The following LRP1B variants were observed in gnomAD, a reference collection of about 807,000 sequenced individuals.
The protein encoded by LRP1B is LDL receptor related protein 1B.
Under a neutral mutation model 556.6 loss-of-function variants are expected in LRP1B, and 217 were observed. The ratio of observed to expected loss-of-function variants is 0.39; its 90% CI spans 0.35 to 0.44. The LOEUF is 0.44. LRP1B is among the 20% of genes least tolerant of loss of function. The pLI, the probability that LRP1B is intolerant of heterozygous loss-of-function variation, is 1.00. For synonymous variants in LRP1B, 2,047 were observed against 1,865.8 expected (o/e 1.10, Z -2.50); for missense variants, 5,053 against 5,620.8 (o/e 0.90, Z 3.23).
At chr2:140,427,861 T>C (rs1218896277) in intron 66 of LRP1B, among the ~76,000 whole-genome samples, 1 of 152,000 alleles carries the variant, frequency 6.6e-6, no homozygotes, top group African/African-American at 2.4e-5. Flanking sequence ...CACCCTATAA[T>C]CCTTTTATCA....
intron 2 of LRP1B, among the ~76,000 whole-genome samples, chr2:141,637,641 G>A (rs1265235732): frequency 6.6e-6 from 1 of 152,210 alleles, no homozygotes; most frequent in African/African-American, 2.4e-5. Flanking sequence ...CAGTATCAAT[G>A]TTTATCTATT....
At chr2:141,431,154 T>TAAATAAATAAATAAATAAAA (rs1680547554) in intron 3 of LRP1B, among the ~76,000 whole-genome samples, 1 of 151,466 alleles carries the variant, frequency 6.6e-6, no homozygotes, top group Non-Finnish European at 1.5e-5. Context: ...AATAAATAAA[T>TAAATAAATAAATAAATAAAA]AAATAAATAA....
chr2:141,150,445 A>T (rs1356555513), intron 7 of LRP1B, among the ~76,000 whole-genome samples: 1 of 152,146 alleles, frequency 6.6e-6, no homozygotes, highest in Non-Finnish European at 1.5e-5. Flanking sequence ...TAATACTCAA[A>T]GTGTTTCCCT....
At chr2:140,308,198 C>CTTTAAAAGCTAGATTTATT (rs1684145526) in intron 83 of LRP1B, among the ~76,000 whole-genome samples, 1 of 151,662 alleles carries the variant, frequency 6.6e-6, no homozygotes, top group South Asian at 2.1e-4. Context: ...GAGTGTCTGT[C>CTTTAAAAGCTAGATTTATT]TTTAAAAGCT....
chr2:141,093,727 A>AT (rs1274220193), intron 7 of LRP1B, among the ~76,000 whole-genome samples: 7 of 151,202 alleles, frequency 4.6e-5, no homozygotes, highest in Admixed American at 1.3e-4. Context: ...AAAAACAACA[A>AT]TTTTTTTTTG....
At chr2:141,187,811 T>G (rs1377531167) in intron 7 of LRP1B, among the ~76,000 whole-genome samples, 1 of 151,896 alleles carries the variant, frequency 6.6e-6, no homozygotes, top group Non-Finnish European at 1.5e-5. Context: ...AGGTCTCTAT[T>G]TAACCAATAA....
At chr2:140,912,138 A>G (rs1694438623) in intron 21 of LRP1B, among the ~76,000 whole-genome samples, 1 of 151,730 alleles carries the variant, frequency 6.6e-6, no homozygotes, top group Non-Finnish European at 1.5e-5. Context: ...GTTTGGTTTT[A>G]GTTCTTACCA....
At chr2:141,795,261 C>T (rs537501893) in intron 2 of LRP1B, among the ~76,000 whole-genome samples, 1 of 151,966 alleles carries the variant, frequency 6.6e-6, no homozygotes, top group East Asian at 1.9e-4. Context: ...ACCATTTATA[C>T]TTTTTTTTAT....
At chr2:140,863,291 C>T (rs549703502) in intron 27 of LRP1B, among the ~76,000 whole-genome samples, 1 of 152,192 alleles carries the variant, frequency 6.6e-6, no homozygotes, top group East Asian at 1.9e-4. Context: ...CTTTTTACTC[C>T]TTTGACCATT....
intron 1 of LRP1B, among the ~76,000 whole-genome samples, chr2:141,862,985 A>T (rs749132282): frequency 6.6e-6 from 1 of 152,102 alleles, no homozygotes; most frequent in Non-Finnish European, 1.5e-5. Flanking sequence ...AGACCTTCTT[A>T]TTGCTGAGCT....
intron 8 of LRP1B, among the ~76,000 whole-genome samples, chr2:141,060,835 G>A (rs1279500815): frequency 1.3e-5 from 2 of 151,610 alleles, no homozygotes; most frequent in Non-Finnish European, 2.9e-5. Context: ...TTCAGCCCCA[G>A]TACTTCAAAA....
intron 41 of LRP1B, among the ~76,000 whole-genome samples, chr2:140,644,512 C>A (rs957714256): frequency 1.3e-5 from 2 of 151,766 alleles, no homozygotes; most frequent in Admixed American, 6.6e-5. Context: ...AATCCTCCCA[C>A]CTCAGTCTCC....
At chr2:142,119,302 G>T (rs77672011) in intron 1 of LRP1B, among the ~76,000 whole-genome samples, 8,498 of 152,138 alleles carry the variant, frequency 0.056, 770 homozygotes, top group African/African-American at 0.19. Context: ...TTGAAGTAAA[G>T]TATATTCTTC....
At chr2:141,447,346 T>G (rs905779305) in intron 3 of LRP1B, among the ~76,000 whole-genome samples, 6 of 152,046 alleles carry the variant, frequency 3.9e-5, no homozygotes, top group Admixed American at 3.9e-4. Context: ...CTTCCTTGCA[T>G]TGGGTTAGAA....
intron 85 of LRP1B, 103 bp from the exon 86 acceptor site, chr2:140,270,449 A>G: frequency 1.4e-6 from 1 of 720,450 alleles, no homozygotes. Context: ...ATCATATAGG[A>G]GAGATGGAGT....
intron 43 of LRP1B, among the ~76,000 whole-genome samples, chr2:140,544,045 G>A (rs1421943870): frequency 1.3e-5 from 2 of 152,030 alleles, no homozygotes; most frequent in South Asian, 2.1e-4. Flanking sequence ...AGAAGAAGAA[G>A]TATAATATAT....
At chr2:140,920,186 C>T (rs144851557) in intron 21 of LRP1B, among the ~76,000 whole-genome samples, 191 of 152,058 alleles carry the variant, frequency 1.3e-3, no homozygotes, top group African/African-American at 4.3e-3. Context: ...AATACAACTG[C>T]TATTTGTTAG....
At chr2:141,131,457 C>T (rs1701354661) in intron 7 of LRP1B, among the ~76,000 whole-genome samples, 1 of 118,712 alleles carries the variant, frequency 8.4e-6, no homozygotes, top group Non-Finnish European at 1.8e-5. Flanking sequence ...CTGTTTTTGT[C>T]TCCTTTGATA....
intron 21 of LRP1B, among the ~76,000 whole-genome samples, chr2:140,921,173 G>A (rs769044112): frequency 4.0e-5 from 6 of 151,542 alleles, no homozygotes; most frequent in Admixed American, 6.6e-5. Flanking sequence ...ACATAGCTTT[G>A]AGAATTTACA....
Sources: allele counts gnomAD v4.1 joint callset (sites outside exome capture counted in the v4.1 genomes callset), GRCh38; gene constraint gnomAD v4.1.1; transcripts MANE v1.5; gene names NCBI Gene and HGNC (gene_info 2026-07-23, HGNC 2026-07-21).